SPATA17: variants seen among roughly 807,000 people sequenced by gnomAD.
SPATA17 encodes spermatogenesis-associated protein 17.
SPATA17 carries 53 observed loss-of-function variants against 62.2 expected under a neutral mutation model. The ratio of observed to expected loss-of-function variants is 0.85; its 90% CI spans 0.68 to 1.07. The LOEUF (loss-of-function observed/expected upper bound fraction) is 1.07. Among genes scored for constraint, SPATA17 ranks in the 50% least tolerant of loss-of-function variants. The probability of loss-of-function intolerance (pLI) is 0.00; values close to 1 mark genes in which losing one functional copy is unlikely to be tolerated. For missense variants in SPATA17, 466 were observed against 425.5 expected (o/e 1.10, Z -0.84); for synonymous variants, 146 against 146.8 (o/e 0.99, Z 0.04).
chr1:217,683,410 C>A, intron 5 of SPATA17, 49 bp downstream of exon 5: 1 of 1,185,894 alleles, frequency 8.4e-7, no homozygotes, highest in Non-Finnish European at 1.3e-6. Flanking sequence ...GGAAAGATTA[C>A]TCAATAGATG....
At chr1:217,719,278 G>C (rs1253255017) in intron 5 of SPATA17, among the ~76,000 whole-genome samples, 1 of 152,204 alleles carries the variant, frequency 6.6e-6, no homozygotes, top group Non-Finnish European at 1.5e-5. Flanking sequence ...TTTATTGTTT[G>C]CTGTGAATTA....
At chr1:217,864,703 C>A (rs1675972979) in intron 10 of SPATA17, among the ~76,000 whole-genome samples, 1 of 151,934 alleles carries the variant, frequency 6.6e-6, no homozygotes, top group Non-Finnish European at 1.5e-5. Flanking sequence ...TTTAATGCAA[C>A]CAGACGAAAG....
intron 5 of SPATA17, among the ~76,000 whole-genome samples, chr1:217,702,490 T>G (rs191806878): frequency 1.3e-5 from 2 of 152,312 alleles, no homozygotes; most frequent in East Asian, 1.9e-4. Flanking sequence ...CTTTAAACAA[T>G]AAAGCATAGA....
chr1:217,652,253 A>G lies in SPATA17; in HGVS notation c.240+1075A>G, dbSNP rs182363734. Among the ~76,000 whole-genome samples, 406 of 152,288 alleles carry G rather than the reference A, an allele frequency of 2.7e-3. 3 individuals are homozygous for G. The highest frequency in any genetic ancestry group is 3.5e-3 in the Non-Finnish European group (240 of 68,030). On this transcript the variant is annotated intron_variant, in intron 3 of 10. Coordinates refer to ENST00000366933, the MANE Select transcript of SPATA17 (RefSeq NM_138796.4). ...TAGTATGTCTTTTTGTTTTTCCGAG[A>G]TGGAGTCTCACTCTCTTCCCCAGGC...
intron 7 of SPATA17, among the ~76,000 whole-genome samples, chr1:217,780,952 GA>G (rs999766733): frequency 1.8e-4 from 27 of 146,048 alleles, no homozygotes; most frequent in South Asian, 8.6e-4. Context: ...ATAAGAATAA[GA>G]AAAAAAAAAG....
intron 5 of SPATA17, chr1:217,739,653 A>C (rs1168832275): frequency 6.6e-6 from 1 of 152,132 alleles, no homozygotes; most frequent in Admixed American, 6.5e-5. Flanking sequence ...ATTTTTAATG[A>C]GATCATAATT....
At chr1:217,682,928 A>T (rs943802346) in intron 4 of SPATA17, among the ~76,000 whole-genome samples, 27 of 152,130 alleles carry the variant, frequency 1.8e-4, no homozygotes, top group African/African-American at 6.5e-4. Context: ...CTATGAAAAA[A>T]AAAATTGATT....
chr1:217,650,874 GTAA>G (rs925914466), intron 2 of SPATA17, among the ~76,000 whole-genome samples: 10 of 152,188 alleles, frequency 6.6e-5, no homozygotes, highest in Admixed American at 1.3e-4. Context: ...TAAGTATTGT[GTAA>G]TAATAAGCCC....
chr1:217,759,967 T>C (rs948607879), intron 6 of SPATA17, among the ~76,000 whole-genome samples: 9 of 152,286 alleles, frequency 5.9e-5, no homozygotes, highest in East Asian at 1.9e-4. Context: ...AAGTAAATTA[T>C]GTATTCGAAA....
intron 5 of SPATA17, among the ~76,000 whole-genome samples, chr1:217,696,381 C>T (rs1304906376): frequency 3.3e-5 from 5 of 152,256 alleles, no homozygotes; most frequent in South Asian, 2.1e-4. Flanking sequence ...CACTGGCCTG[C>T]GCCCACTGTC....
intron 5 of SPATA17, among the ~76,000 whole-genome samples, chr1:217,736,517 G>T (rs1672512459): frequency 6.6e-6 from 1 of 152,044 alleles, no homozygotes; most frequent in Non-Finnish European, 1.5e-5. Flanking sequence ...AATTCAGGTT[G>T]CTGTAGAGGA....
At chr1:217,797,252 T>C (rs1330308275) in intron 8 of SPATA17, among the ~76,000 whole-genome samples, 1 of 11,740 alleles carries the variant, frequency 8.5e-5, no homozygotes, top group Non-Finnish European at 2.7e-4. Context: ...TCTTTCTTTC[T>C]TTTTTTTTTT....
intron 9 of SPATA17, among the ~76,000 whole-genome samples, chr1:217,840,946 TATATA>T (rs1009938132): frequency 9.9e-5 from 15 of 152,124 alleles, no homozygotes; most frequent in Admixed American, 3.9e-4. Flanking sequence ...GATATATACT[TATATA>T]ATGATATGTA....
chr1:217,651,669 G>A (rs1255837117), intron 3 of SPATA17, among the ~76,000 whole-genome samples: 1 of 152,030 alleles, frequency 6.6e-6, no homozygotes, highest in Non-Finnish European at 1.5e-5. Flanking sequence ...TATAAATAAG[G>A]TTTAAATAAT....
chr1:217,749,985 C>CTCTCTCTCTATATATATATA, intron 6 of SPATA17, among the ~76,000 whole-genome samples: 30 of 12,308 alleles, frequency 2.4e-3, no homozygotes, highest in Middle Eastern at 0.031. Flanking sequence ...CTCTCTCTCT[C>CTCTCTCTCTATATATATATA]TATATATATA....
chr1:217,757,481 G>T (rs1438727273), intron 6 of SPATA17, among the ~76,000 whole-genome samples: 1 of 152,168 alleles, frequency 6.6e-6, no homozygotes, highest in Admixed American at 6.6e-5. Flanking sequence ...TTCAAGAGGT[G>T]CGGGGAAGGG....
At chr1:217,776,427 A>T (rs922648052) in intron 7 of SPATA17, among the ~76,000 whole-genome samples, 2 of 152,110 alleles carry the variant, frequency 1.3e-5, no homozygotes, top group African/African-American at 4.8e-5. Flanking sequence ...ATTACTCCAA[A>T]ATCTAATGGG....
chr1:217,684,409 A>T (rs1671168889), intron 5 of SPATA17, among the ~76,000 whole-genome samples: 1 of 151,960 alleles, frequency 6.6e-6, no homozygotes, highest in South Asian at 2.1e-4. Flanking sequence ...ATATCATCTT[A>T]TTTTACTCTT....
In SPATA17 at chr1:217,651,199, T is replaced by C. The variant is rs563260079; in HGVS notation, c.240+21T>C. The C allele has an allele frequency of 2.6e-6, 4 of 1,545,674 alleles. No homozygotes were observed. The South Asian group carries it at 3.5e-5, about 14-fold the overall frequency. Reference sequence around the variant, plus strand: ...TGCAGGTAAATATAAAATGTACATATGTTAGCATTTGAATTGTACAATATG... The same window carrying C: ...TGCAGGTAAATATAAAATGTACATACGTTAGCATTTGAATTGTACAATATG... On this transcript the variant is annotated intron_variant, in intron 3 of 10. Coordinates refer to ENST00000366933, the MANE Select transcript of SPATA17 (RefSeq NM_138796.4).
Sources: allele counts gnomAD v4.1 joint callset (sites outside exome capture counted in the v4.1 genomes callset), GRCh38; gene constraint gnomAD v4.1.1; transcripts MANE v1.5; gene names NCBI Gene and HGNC (gene_info 2026-07-23, HGNC 2026-07-21).